Variants in DES observed in about 807,000 individuals in gnomAD.
DES encodes the protein desmin.
Under a neutral mutation model 55.1 loss-of-function variants are expected in DES, and 34 were observed. That is an observed-to-expected ratio of 0.62 (90% CI 0.47 to 0.82). DES has a LOEUF of 0.82. Among genes scored for constraint, DES ranks in the 40% least tolerant of loss-of-function variants. The pLI, the probability that DES is intolerant of heterozygous loss-of-function variation, is 0.00. For synonymous variants in DES, 259 were observed against 270.8 expected (o/e 0.96, Z 0.43); for missense variants, 596 against 645.9 (o/e 0.92, Z 0.84).
chr2:219,421,022 C>G lies in DES; in HGVS notation c.1023+69C>G. ...GCAGTTCACACCCTCACTTTGTGAC[C>G]TTGGGCCCATCATAGATCCTCTCTG... is the stretch of plus-strand genomic sequence containing the variant. On this transcript the variant is annotated intron_variant, in intron 5 of 8. Coordinates refer to ENST00000373960, the MANE Select transcript of DES (RefSeq NM_001927.4). 3.2e-6 allele frequency: 5 copies of G among 1,576,560 alleles called. No homozygotes were observed. The South Asian group carries it at 5.7e-5, about 18-fold the overall frequency.
chr2:219,425,524 G>A, intron 7 of DES, 139 bp from the exon 8 acceptor site: 1 of 754,274 alleles, frequency 1.3e-6, no homozygotes. Flanking sequence ...TTAAAGTCTT[G>A]AAGAAGTAAC....
chr2:219,423,182 C>G (rs1355996022), intron 6 of DES, among the ~76,000 whole-genome samples: 4 of 152,186 alleles, frequency 2.6e-5, no homozygotes, highest in Non-Finnish European at 5.9e-5. Flanking sequence ...GTGCCAGGAG[C>G]AAGAAGGAAA....
chr2:219,424,221 C>G (rs1472507940), intron 7 of DES, among the ~76,000 whole-genome samples: 2 of 152,226 alleles, frequency 1.3e-5, no homozygotes, highest in African/African-American at 2.4e-5. Context: ...CATTGCCAAG[C>G]CCCACCTTGG....
chr2:219,419,897 C>T lies in DES; in HGVS notation c.579-198C>T. Reference sequence around the variant, plus strand: ...GACATAGACTTCAAGGGTGTGGCTCCTGGGCAGAGATTGGGCCACTTCCTG... The same window carrying T: ...GACATAGACTTCAAGGGTGTGGCTCTTGGGCAGAGATTGGGCCACTTCCTG... On this transcript the variant is annotated intron_variant, in intron 1 of 8. Transcript: ENST00000373960. The surrounding 1 kb of genome is among the most constrained non-coding windows in gnomAD (Gnocchi z 4.3). The T allele has an allele frequency of 1.5e-6, 1 of 661,956 alleles. No homozygotes were observed. Among genetic ancestry groups the T allele is most frequent in the East Asian group, 2.7e-5 (1 of 36,826 alleles). 41.0% of individuals were successfully genotyped at this position (661,956 alleles called of 1,614,324 possible).
Position 219,419,062 on chromosome 2 carries a change from C to T in DES, c.578+22C>T, listed in dbSNP as rs1275402296. 15 of 1,536,420 alleles carry T rather than the reference C, an allele frequency of 9.8e-6. No homozygotes were observed. The highest frequency in any genetic ancestry group is 1.3e-5 in the Non-Finnish European group (15 of 1,146,706). ...CCAAGTGAGGGCCCGGCACCCCAGA[C>T]TCCTCTTTCTGCGGGCAGGGCACAG... On this transcript the variant is annotated intron_variant, in intron 1 of 8. Transcript: ENST00000373960. The surrounding 1 kb of genome is among the most constrained non-coding windows in gnomAD (Gnocchi z 4.3).
Position 219,421,475 on chromosome 2 carries a change from G to T in DES, c.1159G>T (p.Glu387Ter). 1.2e-6 allele frequency: 2 copies of T among 1,614,136 alleles called. No individual in the cohort carries two copies. The highest frequency in any genetic ancestry group is 8.5e-7 in the Non-Finnish European group (1 of 1,180,024). Reference sequence around the variant, plus strand: ...GGATGAGATGGCCCGCCATCTGCGCGAGTACCAGGACCTGCTCAACGTGAA... The same window carrying T: ...GGATGAGATGGCCCGCCATCTGCGCTAGTACCAGGACCTGCTCAACGTGAA... ...LKDEMARHLR[E>*]YQDLLNVKMA... The change falls in exon 6 of 9, where the codon GAG (glutamate) becomes TAG (stop). Residue 387 changes from glutamate (E) to a stop codon, truncating the protein, a stop_gained. Coordinates refer to ENST00000373960, the MANE Select transcript of DES (RefSeq NM_001927.4). LOFTEE classifies it high-confidence loss of function.
Position 219,421,296 on chromosome 2 carries a change from G to A in DES, c.1024-44G>A, listed in dbSNP as rs764908931. Reference sequence around the variant, plus strand: ...CCCCAAAGCTTTCTTTGGGCTGCTAGTGTCCTCTTCCCTTCCTTGACCTGG... The same window carrying A: ...CCCCAAAGCTTTCTTTGGGCTGCTAATGTCCTCTTCCCTTCCTTGACCTGG... On this transcript the variant is annotated intron_variant, in intron 5 of 8. Transcript: ENST00000373960. 3 of 1,608,352 alleles carry A rather than the reference G, an allele frequency of 1.9e-6. No individual in the cohort carries two copies. The South Asian group carries it at 3.3e-5, about 18-fold the overall frequency.
chr2:219,418,610 A>T lies in DES; in HGVS notation c.148A>T (p.Thr50Ser), dbSNP rs768441697. ...CTCTAAGGGCTCCTCCAGCTCGGTGACGTCCCGCGTGTACCAGGTGTCGCG... is the reference window on the plus strand; with the variant it reads ...CTCTAAGGGCTCCTCCAGCTCGGTGTCGTCCCGCGTGTACCAGGTGTCGCG... ...FGSKGSSSSV[T>S]SRVYQVSRTS... The change falls in exon 1 of 9, where the codon ACG becomes TCG. Residue 50 changes from threonine (T) to serine (S), a missense_variant. Physicochemically the swap from Thr to Ser is moderately conservative, Grantham distance 58. Coordinates refer to ENST00000373960, the MANE Select transcript of DES (RefSeq NM_001927.4). 4 of 1,603,448 alleles carry T rather than the reference A, an allele frequency of 2.5e-6. No individual in the cohort carries two copies. The South Asian group carries it at 4.5e-5, about 18-fold the overall frequency.
Position 219,418,750 on chromosome 2 carries a change from G to T in DES, c.288G>T (p.Ala96=). Residue 96 remains alanine (A), a synonymous_variant, in exon 1 of 9, where the codon GCG becomes GCT. Transcript: ENST00000373960. Reference sequence around the variant, plus strand: ...TGCTGGACTTCTCACTGGCCGACGCGGTGAACCAGGAGTTTCTGACCACGC... The same window carrying T: ...TGCTGGACTTCTCACTGGCCGACGCTGTGAACCAGGAGTTTCTGACCACGC... ...GELLDFSLAD[A]VNQEFLTTRT... is the part of the protein sequence containing the mutation. 6.4e-7 allele frequency: 1 copy of T among 1,561,510 alleles called. No homozygotes were observed. Among genetic ancestry groups the T allele is most frequent in the Non-Finnish European group, 8.7e-7 (1 of 1,152,278 alleles).
chr2:219,424,910 T>G (rs1954507844), intron 7 of DES, among the ~76,000 whole-genome samples: 1 of 152,220 alleles, frequency 6.6e-6, no homozygotes, highest in Admixed American at 6.5e-5. Context: ...AATTTTTTTT[T>G]TCTTTTGAAA....
In DES at chr2:219,426,518, T is replaced by C; in HGVS notation, c.*528T>C. 1 of 195,532 alleles carries C rather than the reference T, an allele frequency of 5.1e-6. No individual in the cohort carries two copies. The highest frequency in any genetic ancestry group is 2.3e-5 in the African/African-American group (1 of 43,300). 12.1% of individuals were successfully genotyped at this position (195,532 alleles called of 1,614,324 possible). A position where few individuals can be genotyped will look rare whatever the true frequency, so the allele number is the denominator to read the frequency against. ...TCCTTTCCCCAGCCCAGGGTGGACT[T>C]AGAAAGCAGGGGCTACAAGAGGGAA... On this transcript the variant is annotated 3_prime_UTR_variant, in exon 9 of 9. Transcript: ENST00000373960. The surrounding 1 kb of genome is among the most constrained non-coding windows in gnomAD (Gnocchi z 4.5).
rs113755774 is a variant in DES, at chr2:219,420,954, G to A, written c.1023+1G>A. On this transcript the variant is annotated splice_donor_variant, in intron 5 of 8. Coordinates refer to ENST00000373960, the MANE Select transcript of DES (RefSeq NM_001927.4). LOFTEE classifies it high-confidence loss of function. This position sits in a 1 kb window ranked among gnomAD's most constrained non-coding sequence, Gnocchi z 6.0. ...CGAGATTGACGCCCTGAAGGGCACTGTGAGTCCCTGCCCACCTGGCCAGGC... is the reference window on the plus strand; with the variant it reads ...CGAGATTGACGCCCTGAAGGGCACTATGAGTCCCTGCCCACCTGGCCAGGC... The A allele has an allele frequency of 3.1e-6, 5 of 1,612,810 alleles. No homozygotes were observed. The highest frequency in any genetic ancestry group is 2.2e-5 in the East Asian group (1 of 44,848).
rs377315614 is a variant in DES at position 219,420,397 on chromosome 2, C to T, written c.735+51C>T. The T allele has an allele frequency of 3.6e-5, 58 of 1,612,174 alleles. No individual in the cohort carries two copies. The highest frequency in any genetic ancestry group is 8.0e-5 in the African/African-American group (6 of 74,844). On this transcript the variant is annotated intron_variant, in intron 3 of 8. Coordinates refer to ENST00000373960, the MANE Select transcript of DES (RefSeq NM_001927.4). This position sits in a 1 kb window ranked among gnomAD's most constrained non-coding sequence, Gnocchi z 6.0. ...GTCACTGGGCCATGGGGAAAGCAGC[C>T]GGAAAGTGGGGTTGGGGTGAGGCTC... is the stretch of plus-strand genomic sequence containing the variant.
In DES at chr2:219,418,838, G is replaced by A. The variant is rs876657770; in HGVS notation, c.376G>A (p.Val126Met). The A allele has an allele frequency of 6.3e-7, 1 of 1,583,178 alleles. No homozygotes were observed. Among genetic ancestry groups the A allele is most frequent in the Non-Finnish European group, 8.6e-7 (1 of 1,164,480 alleles). Residue 126 changes from valine (V) to methionine (M), a missense_variant, in exon 1 of 9, where the codon GTG becomes ATG. Physicochemically the swap from Val to Met is conservative, Grantham distance 21. Coordinates refer to ENST00000373960, the MANE Select transcript of DES (RefSeq NM_001927.4). Reference sequence around the variant, plus strand: ...CCGCTTCGCCAACTACATCGAGAAGGTGCGCTTCCTGGAGCAGCAGAACGC... The same window carrying A: ...CCGCTTCGCCAACTACATCGAGAAGATGCGCTTCCTGGAGCAGCAGAACGC... ...NDRFANYIEK[V>M]RFLEQQNAAL...
Position 219,418,825 on chromosome 2 carries a change from C to G in DES, c.363C>G (p.Asn121Lys), listed in dbSNP as rs755196132. Residue 121 changes from asparagine to lysine, a missense_variant, in exon 1 of 9, where the codon AAC (asparagine) becomes AAG (lysine). Coordinates refer to ENST00000373960, the MANE Select transcript of DES (RefSeq NM_001927.4). The part of the protein sequence containing the change: ...ELQELNDRFA[N>K]YIEKVRFLEQ... ...AGGAGCTCAATGACCGCTTCGCCAA[C>G]TACATCGAGAAGGTGCGCTTCCTGG... 2.5e-6 allele frequency: 4 copies of G among 1,581,270 alleles called. No individual in the cohort carries two copies. In the South Asian group the frequency reaches 4.6e-5, roughly 18 times the overall value.
chr2:219,419,106 T>TG lies in DES; in HGVS notation c.578+70dup. On this transcript the variant is annotated intron_variant, in intron 1 of 8. Transcript: ENST00000373960. This position sits in a 1 kb window ranked among gnomAD's most constrained non-coding sequence, Gnocchi z 4.3. ...GGCACAGGAGGCTAGGCCTGGGGTC[T>TG]GGGGTCCCGCTGTCAGCACCTGCCT... 6.5e-7 allele frequency: 1 copy of TG among 1,534,026 alleles called. No homozygotes were observed. The highest frequency in any genetic ancestry group is 8.7e-7 in the Non-Finnish European group (1 of 1,146,058).
chr2:219,418,812 A>C lies in DES; in HGVS notation c.350A>C (p.Asp117Ala). The C allele has an allele frequency of 1.3e-6, 2 of 1,575,774 alleles. No individual in the cohort carries two copies. The highest frequency in any genetic ancestry group is 1.7e-6 in the Non-Finnish European group (2 of 1,160,108). Residue 117 changes from aspartate to alanine, a missense_variant, in exon 1 of 9, where the codon GAC (aspartate) becomes GCC (alanine). Physicochemically the swap from Asp to Ala is moderately radical, Grantham distance 126. Coordinates refer to ENST00000373960, the MANE Select transcript of DES (RefSeq NM_001927.4). ...AAGGTGGAGCTGCAGGAGCTCAATG[A>C]CCGCTTCGCCAACTACATCGAGAAG... ...NEKVELQELNDRFANYIEKVR... is the reference protein window; with the variant it reads ...NEKVELQELNARFANYIEKVR...
chr2:219,420,808 G>T lies in DES; in HGVS notation c.898-20G>T, dbSNP rs1235797220. 2 of 1,613,012 alleles carry T rather than the reference G, an allele frequency of 1.2e-6. No homozygotes were observed. Among genetic ancestry groups the T allele is most frequent in the Non-Finnish European group, 1.7e-6 (2 of 1,179,938 alleles). ...TGCCCTGCATCCTTCTCATTTTTGGGCCCCTTTCTCTGCCCTTAGGTGTCA... is the reference window on the plus strand; with the variant it reads ...TGCCCTGCATCCTTCTCATTTTTGGTCCCCTTTCTCTGCCCTTAGGTGTCA... On this transcript the variant is annotated intron_variant, in intron 4 of 8. Coordinates refer to ENST00000373960, the MANE Select transcript of DES (RefSeq NM_001927.4). The surrounding 1 kb of genome is among the most constrained non-coding windows in gnomAD (Gnocchi z 6.0).
In DES at chr2:219,420,010, C is replaced by T. The variant is rs1233172644; in HGVS notation, c.579-85C>T. The T allele has an allele frequency of 2.7e-6, 4 of 1,460,798 alleles. No individual in the cohort carries two copies. Among genetic ancestry groups the T allele is most frequent in the Non-Finnish European group, 3.8e-6 (4 of 1,042,224 alleles). The allele number at this position is 1,460,798 out of a possible 1,614,324, so 90.5% of individuals were successfully genotyped here. A position where few individuals can be genotyped will look rare whatever the true frequency, so the allele number is the denominator to read the frequency against. On this transcript the variant is annotated intron_variant, in intron 1 of 8. Transcript: ENST00000373960. The surrounding 1 kb of genome is among the most constrained non-coding windows in gnomAD (Gnocchi z 6.0). ...AGGCCCTCCCGCTCTGTCCTGGACC[C>T]ACCCCCTGGTCAGCCCCCGGCCAGT...
Sources: allele counts gnomAD v4.1 joint callset (sites outside exome capture counted in the v4.1 genomes callset), GRCh38; gene constraint gnomAD v4.1.1; non-coding constraint Gnocchi (gnomAD v3.1); transcripts MANE v1.5; gene names NCBI Gene and HGNC (gene_info 2026-07-23, HGNC 2026-07-21).